FOXP2: variants seen among roughly 807,000 people sequenced by gnomAD.
FOXP2 encodes the protein forkhead box protein P2.
FOXP2 carries 12 observed loss-of-function variants against 115.8 expected under a neutral mutation model. The observed-to-expected ratio is 0.10, with a 90% confidence interval of 0.07 to 0.17. The LOEUF is 0.17. Among genes scored for constraint, FOXP2 ranks in the 10% least tolerant of loss-of-function variants. FOXP2 has a pLI of 1.00. For missense variants in FOXP2, 629 were observed against 843.5 expected, an observed-to-expected ratio of 0.75 and a Z score of 3.15; for synonymous variants, 328 against 297.7, an observed-to-expected ratio of 1.10 and a Z score of -1.05.
chr7:114,285,134 A>G (rs1177826667), intron 1 of FOXP2, among the ~76,000 whole-genome samples: 3 of 152,176 alleles, frequency 2.0e-5, no homozygotes, highest in Admixed American at 6.6e-5. Flanking sequence ...CTGTGGCATG[A>G]AATTACCTGC....
rs886061927 is a variant in FOXP2, at chr7:114,691,136, A to G, written c.*1210A>G. ...AAATGCAGATTGCATATTGTTATAT[A>G]TATAGTACTTTGTGTTTTTGTTTTC... On this transcript the variant is annotated 3_prime_UTR_variant, in exon 17 of 17. Coordinates refer to ENST00000350908, the MANE Select transcript of FOXP2 (RefSeq NM_014491.4). 8.8e-6 allele frequency: 4 copies of G among 454,072 alleles called. No individual in the cohort carries two copies. Among genetic ancestry groups the G allele is most frequent in the East Asian group, 1.4e-4 (2 of 14,398 alleles). 28.1% of individuals were successfully genotyped at this position (454,072 alleles called of 1,614,324 possible).
chr7:114,589,950 A>G (rs1008596884), intron 3 of FOXP2, among the ~76,000 whole-genome samples: 3 of 152,008 alleles, frequency 2.0e-5, no homozygotes, highest in African/African-American at 7.2e-5. Flanking sequence ...ATTGTTTTAA[A>G]AACAGAGAGA....
In FOXP2 at chr7:114,515,250, G is replaced by A. The variant is rs987142892; in HGVS notation, c.169-19367G>A. Among the ~76,000 whole-genome samples the A allele has an allele frequency of 8.1e-4, 122 of 150,350 alleles. 1 individual carries two copies. Among genetic ancestry groups the A allele is most frequent in the African/African-American group, 2.9e-3 (118 of 40,622 alleles). On this transcript the variant is annotated intron_variant, in intron 2 of 16. Transcript: ENST00000350908. Reference sequence around the variant, plus strand: ...ATATACCCAGTAATGGGATGGCTGGGTCAAATGGTATTTCTAGTTCTAGAT... The same window carrying A: ...ATATACCCAGTAATGGGATGGCTGGATCAAATGGTATTTCTAGTTCTAGAT...
intron 7 of FOXP2, among the ~76,000 whole-genome samples, chr7:114,643,407 A>G (rs896871325): frequency 6.6e-6 from 1 of 152,224 alleles, no homozygotes; most frequent in Non-Finnish European, 1.5e-5. Flanking sequence ...AAGCTAGATG[A>G]TGGAAAATCT....
At chr7:114,657,128 A>T (rs1173800757) in intron 10 of FOXP2, among the ~76,000 whole-genome samples, 2 of 152,154 alleles carry the variant, frequency 1.3e-5, no homozygotes, top group Non-Finnish European at 1.5e-5. Flanking sequence ...GCCCTGCGTA[A>T]AAATTTTGCT....
chr7:114,352,108 A>C (rs548154451), intron 2 of FOXP2, among the ~76,000 whole-genome samples: 26 of 151,730 alleles, frequency 1.7e-4, no homozygotes, highest in African/African-American at 3.6e-4. Context: ...TCTCTAACAA[A>C]AAAAAAAAAA....
intron 6 of FOXP2, among the ~76,000 whole-genome samples, chr7:114,635,184 G>A (rs1029423156): frequency 2.0e-5 from 3 of 152,142 alleles, no homozygotes; most frequent in African/African-American, 7.2e-5. Flanking sequence ...TAGTCTTTGG[G>A]CGCAATATTC....
intron 1 of FOXP2, among the ~76,000 whole-genome samples, chr7:114,142,268 C>T (rs770626602): frequency 1.1e-4 from 16 of 152,110 alleles, no homozygotes; most frequent in Non-Finnish European, 2.1e-4. Context: ...GTGATCCACC[C>T]GCCTTGGCCT....
At chr7:114,629,059 T>G (rs1236343532) in intron 4 of FOXP2, 2 of 219,684 alleles carry the variant, frequency 9.1e-6, no homozygotes, top group Non-Finnish European at 9.2e-6. Flanking sequence ...CACAAAAGTA[T>G]GAAATTTGAA....
intron 1 of FOXP2, among the ~76,000 whole-genome samples, chr7:114,212,112 AATAAAATAAAAT>A (rs1030604113): frequency 1.1e-5 from 1 of 93,958 alleles, no homozygotes; most frequent in African/African-American, 2.8e-5. Context: ...AATAAAATAA[AATAAAATAAAAT>A]ATATATATAT....
intron 2 of FOXP2, among the ~76,000 whole-genome samples, chr7:114,486,536 C>A (rs908376262): frequency 6.6e-6 from 1 of 152,120 alleles, no homozygotes; most frequent in South Asian, 2.1e-4. Flanking sequence ...CCAACTGTCC[C>A]CCAAAGTCTT....
chr7:114,175,439 C>T (rs923955833), intron 1 of FOXP2, among the ~76,000 whole-genome samples: 7 of 152,034 alleles, frequency 4.6e-5, no homozygotes, highest in African/African-American at 1.7e-4. Flanking sequence ...AGTAGCAAAG[C>T]GGTTTTGGGT....
At chr7:114,468,029 A>G (rs1795887008) in intron 2 of FOXP2, among the ~76,000 whole-genome samples, 1 of 152,146 alleles carries the variant, frequency 6.6e-6, no homozygotes, top group Admixed American at 6.6e-5. Context: ...GCTACAATGT[A>G]TACATATGTT....
chr7:114,294,593 C>A (rs1796689816), intron 2 of FOXP2, among the ~76,000 whole-genome samples: 1 of 152,102 alleles, frequency 6.6e-6, no homozygotes, highest in Non-Finnish European at 1.5e-5. Context: ...GTAATCCCAT[C>A]ACTTTCAGAG....
intron 2 of FOXP2, among the ~76,000 whole-genome samples, chr7:114,522,503 G>A (rs1798672919): frequency 6.6e-6 from 1 of 152,032 alleles, no homozygotes; most frequent in Non-Finnish European, 1.5e-5. Context: ...TTTCTAAGTG[G>A]ATATTTGTAC....
Position 114,273,769 on chromosome 7 carries a change from A to G in FOXP2, c.-101-14250A>G, listed in dbSNP as rs917972905. 4.6e-5 allele frequency among the ~76,000 whole-genome samples: 7 copies of G among 151,918 alleles called. No individual in the cohort carries two copies. The East Asian group carries it at 1.2e-3, about 25-fold the overall frequency. ...ATATAGATACTCCCATTTACTTTTG[A>G]TGAGTGTTAGCATGCTATATTTCTT... On this transcript the variant is annotated intron_variant, in intron 1 of 17. Transcript: ENST00000634411.
chr7:114,307,058 A>C (rs1159013646), intron 2 of FOXP2, among the ~76,000 whole-genome samples: 1 of 152,096 alleles, frequency 6.6e-6, no homozygotes, highest in Non-Finnish European at 1.5e-5. Flanking sequence ...TAACATTTTC[A>C]AAGGTTCTGG....
At chr7:114,280,116 A>ATAAC (rs1796291803) in intron 1 of FOXP2, among the ~76,000 whole-genome samples, 1 of 151,546 alleles carries the variant, frequency 6.6e-6, no homozygotes, top group African/African-American at 2.4e-5. Context: ...AAATAAATAA[A>ATAAC]TAAATAAAAA....
At chr7:114,652,468 G>A (rs1806322716) in intron 9 of FOXP2, among the ~76,000 whole-genome samples, 178 bp downstream of exon 9, 1 of 152,026 alleles carries the variant, frequency 6.6e-6, no homozygotes, top group Non-Finnish European at 1.5e-5. Flanking sequence ...ACCCAGGAAG[G>A]ATTGCTGTAG....
Sources: gnomAD v4.1 joint callset for allele counts (sites outside exome capture counted in the v4.1 genomes callset) on GRCh38, gnomAD v4.1.1 for gene constraint, MANE v1.5 for transcripts, NCBI Gene and HGNC (gene_info 2026-07-23, HGNC 2026-07-21) for gene names.